MAGI2: variants seen among roughly 807,000 people sequenced by gnomAD.
The protein encoded by MAGI2 is membrane associated guanylate kinase, WW and PDZ domain containing 2, also known as membrane-associated guanylate kinase, WW and PDZ domain-containing protein 2.
Under a neutral mutation model 133.3 loss-of-function variants are expected in MAGI2, and 35 were observed. The ratio of observed to expected loss-of-function variants is 0.26; its 90% confidence interval spans 0.20 to 0.35. The LOEUF (loss-of-function observed/expected upper bound fraction) is 0.35. MAGI2 is among the 10% of genes least tolerant of loss of function. MAGI2 has a pLI of 1.00. For synonymous variants in MAGI2, 729 were observed against 710.6 expected (o/e 1.03, Z -0.41); for missense variants, 1,636 against 1,863.4 (o/e 0.88, Z 2.25).
chr7:78,818,989 T>A (rs1789848199), intron 2 of MAGI2, among the ~76,000 whole-genome samples: 1 of 152,116 alleles, frequency 6.6e-6, no homozygotes, highest in Non-Finnish European at 1.5e-5. Context: ...TGTTCATAAT[T>A]TTTCAAATGA....
intron 21 of MAGI2, among the ~76,000 whole-genome samples, chr7:78,071,331 T>A (rs956849470): frequency 7.9e-5 from 12 of 152,056 alleles, no homozygotes; most frequent in Non-Finnish European, 1.5e-4. Context: ...AGGTCAGGAG[T>A]TTGAGACCAG....
intron 10 of MAGI2, among the ~76,000 whole-genome samples, chr7:78,240,274 G>A (rs1213029007): frequency 6.6e-6 from 1 of 151,990 alleles, no homozygotes; most frequent in Non-Finnish European, 1.5e-5. Context: ...GAGAATGATG[G>A]TTTCCAGCTT....
chr7:78,425,759 G>T (rs1295876353), intron 6 of MAGI2, among the ~76,000 whole-genome samples: 1 of 152,184 alleles, frequency 6.6e-6, no homozygotes, highest in African/African-American at 2.4e-5. Context: ...CCACAGCTTA[G>T]AAATAAGAAT....
chr7:78,370,406 C>A (rs924882108), intron 6 of MAGI2, among the ~76,000 whole-genome samples: 1 of 151,900 alleles, frequency 6.6e-6, no homozygotes, highest in South Asian at 2.1e-4. Flanking sequence ...CTGTGTAATT[C>A]ATCATTTTTC....
intron 1 of MAGI2, among the ~76,000 whole-genome samples, chr7:79,037,686 G>A (rs1811252288): frequency 6.6e-6 from 1 of 152,144 alleles, no homozygotes; most frequent in Non-Finnish European, 1.5e-5. Context: ...TCCAAATTAT[G>A]GCAGAATTTT....
chr7:78,054,036 C>G lies in MAGI2; in HGVS notation c.3706+24911G>C, dbSNP rs564198753. 5.3e-5 allele frequency among the ~76,000 whole-genome samples: 8 copies of G among 152,234 alleles called. No individual in the cohort carries two copies. The South Asian group carries it at 1.5e-3, about 28-fold the overall frequency. On this transcript the variant is annotated intron_variant, in intron 21 of 21. Coordinates refer to ENST00000354212, the MANE Select transcript of MAGI2 (RefSeq NM_012301.4). ...GGATTGAGTTTATTTTGTACCTTCTCTTTATAAGTGGAGGAAACCAGGCCT... is the reference window on the plus strand; with the variant it reads ...GGATTGAGTTTATTTTGTACCTTCTGTTTATAAGTGGAGGAAACCAGGCCT...
chr7:79,258,438 AC>A (rs1372249359), intron 1 of MAGI2, among the ~76,000 whole-genome samples: 2 of 152,146 alleles, frequency 1.3e-5, no homozygotes, highest in Non-Finnish European at 2.9e-5. Context: ...TCTTCCTTCA[AC>A]CAGGCCATTC....
chr7:78,798,588 T>C (rs1276061459), intron 2 of MAGI2, among the ~76,000 whole-genome samples: 1 of 152,150 alleles, frequency 6.6e-6, no homozygotes, highest in Non-Finnish European at 1.5e-5. Context: ...CTCTTTGAGA[T>C]TGGTCTTTGG....
intron 2 of MAGI2, among the ~76,000 whole-genome samples, chr7:78,953,983 T>TTG (rs1802077917): frequency 2.0e-5 from 3 of 152,284 alleles, no homozygotes; most frequent in African/African-American, 7.2e-5. Flanking sequence ...TCATTTGAAA[T>TTG]TTTCAAATGG....
intron 1 of MAGI2, among the ~76,000 whole-genome samples, chr7:79,116,412 A>G (rs1292205780): frequency 6.6e-6 from 1 of 152,030 alleles, no homozygotes; most frequent in African/African-American, 2.4e-5. Flanking sequence ...GCTATTACTC[A>G]CAACTCAAGT....
chr7:78,864,475 T>A (rs1794394718), intron 2 of MAGI2, among the ~76,000 whole-genome samples: 1 of 152,216 alleles, frequency 6.6e-6, no homozygotes, highest in South Asian at 2.1e-4. Context: ...AGCACTTTCC[T>A]CTGGTGAATG....
chr7:78,877,253 A>G (rs1309034148), intron 2 of MAGI2, among the ~76,000 whole-genome samples: 1 of 152,208 alleles, frequency 6.6e-6, no homozygotes, highest in Non-Finnish European at 1.5e-5. Context: ...TTGTTGTGTT[A>G]TGTATTCTAA....
At chr7:78,337,437 C>A (rs1486284112) in intron 9 of MAGI2, among the ~76,000 whole-genome samples, 4 of 152,188 alleles carry the variant, frequency 2.6e-5, no homozygotes, top group Non-Finnish European at 4.4e-5. Context: ...CCCAACTCTA[C>A]CCTTGTTTCT....
chr7:78,795,860 A>G (rs1787561279), intron 2 of MAGI2, among the ~76,000 whole-genome samples: 1 of 152,162 alleles, frequency 6.6e-6, no homozygotes, highest in African/African-American at 2.4e-5. Flanking sequence ...CATCTTTGAC[A>G]AAGGTGCCAA....
chr7:79,426,069 T>G (rs1489873616), intron 1 of MAGI2, among the ~76,000 whole-genome samples: 1 of 152,208 alleles, frequency 6.6e-6, no homozygotes, highest in Non-Finnish European at 1.5e-5. Context: ...GATCCCAAAC[T>G]GAGAATGTAT....
At chr7:78,922,985 T>G (rs1489872942) in intron 2 of MAGI2, among the ~76,000 whole-genome samples, 8 of 152,190 alleles carry the variant, frequency 5.3e-5, no homozygotes, top group Non-Finnish European at 8.8e-5. Flanking sequence ...GCTGCATAAA[T>G]GTCTTCTTTT....
At chr7:79,098,618 A>T (rs1817712680) in intron 1 of MAGI2, among the ~76,000 whole-genome samples, 1 of 152,166 alleles carries the variant, frequency 6.6e-6, no homozygotes, top group Non-Finnish European at 1.5e-5. Flanking sequence ...GGACTGCAAT[A>T]CTAATCTTTG....
chr7:78,271,953 C>G (rs1794622743), intron 9 of MAGI2, among the ~76,000 whole-genome samples: 1 of 152,060 alleles, frequency 6.6e-6, no homozygotes, highest in South Asian at 2.1e-4. Context: ...TTCAGTTCTG[C>G]TCTGATCTTA....
At chr7:79,451,974 T>C (rs1237246714) in intron 1 of MAGI2, among the ~76,000 whole-genome samples, 1 of 152,206 alleles carries the variant, frequency 6.6e-6, no homozygotes, top group Non-Finnish European at 1.5e-5. Flanking sequence ...GCACCATAAT[T>C]TTCTTTCGAG....
Sources: gnomAD v4.1 joint callset for allele counts (sites outside exome capture counted in the v4.1 genomes callset) on GRCh38, gnomAD v4.1.1 for gene constraint, MANE v1.5 for transcripts, NCBI Gene and HGNC (gene_info 2026-07-23, HGNC 2026-07-21) for gene names.